Variants in KRT28 observed in about 807,000 individuals in gnomAD.
KRT28 encodes keratin 28, also known as keratin, type I cytoskeletal 28.
A neutral mutation model predicts 48.1 loss-of-function variants in KRT28; 45 were observed. The observed-to-expected ratio is 0.94, with a 90% confidence interval of 0.74 to 1.20. The LOEUF (loss-of-function observed/expected upper bound fraction) is 1.20. Among genes scored for constraint, KRT28 ranks in the 50% most tolerant of loss-of-function variants. The pLI is 0.00. For synonymous variants in KRT28, 228 were observed against 227.4 expected (o/e 1.00, Z -0.03); for missense variants, 571 against 574.1 (o/e 0.99, Z 0.06).
At position 40,793,806 on chromosome 17, in the gene KRT28, G is replaced by C. The variant is rs752229106; in HGVS notation, c.1196+23C>G. The stretch of plus-strand genomic sequence containing the variant: ...TGTAGCTTAAAAGAGGTAAAAACTG[G>C]ATTTTCAAATGGCTTTACTTACTTT... On this transcript the variant is annotated intron_variant, in intron 6 of 7. Coordinates refer to ENST00000306658, the MANE Select transcript of KRT28 (RefSeq NM_181535.3). 3 of 1,612,634 alleles carry C rather than the reference G, an allele frequency of 1.9e-6. No individual in the cohort carries two copies. The South Asian group carries it at 3.3e-5, about 18-fold the overall frequency.
Position 40,792,542 on chromosome 17 carries a change from G to A in KRT28, c.1280C>T (p.Thr427Ile). The change falls in exon 8 of 8, where the codon ACA becomes ATA. Residue 427 changes from threonine to isoleucine, a missense_variant. Thr to Ile is a moderately conservative substitution (Grantham distance 89). Transcript: ENST00000306658. ...KDLSKTTLVK[T>I]VVEELDQRGK... ...ACGTTGATCTAGCTCTTCAACCACTGTCTTTACCAGTGTGGTTTTGGATAA... is the reference window on the plus strand; with the variant it reads ...ACGTTGATCTAGCTCTTCAACCACTATCTTTACCAGTGTGGTTTTGGATAA... The A allele has an allele frequency of 1.2e-6, 2 of 1,611,314 alleles. No individual in the cohort carries two copies. Among genetic ancestry groups the A allele is most frequent in the East Asian group, 2.2e-5 (1 of 44,744 alleles).
intron 1 of KRT28, 109 bp downstream of exon 1, chr17:40,799,334 TA>T: frequency 1.1e-6 from 1 of 916,006 alleles, no homozygotes; most frequent in Non-Finnish European, 1.6e-6. Context: ...TTTATCTAAA[TA>T]AATAAATACA....
intron 5 of KRT28, among the ~76,000 whole-genome samples, chr17:40,794,312 T>C (rs1439798401): frequency 1.3e-5 from 2 of 152,356 alleles, no homozygotes; most frequent in East Asian, 3.8e-4. Context: ...ATAGGTCATA[T>C]TTCTATTAAA....
At position 40,792,203 on chromosome 17, in the gene KRT28, C is replaced by A; in HGVS notation, c.*224G>T. 3 of 372,848 alleles carry A rather than the reference C, an allele frequency of 8.0e-6. No homozygotes were observed. The highest frequency in any genetic ancestry group is 7.8e-5 in the South Asian group (1 of 12,884). 23.1% of individuals were successfully genotyped at this position (372,848 alleles called of 1,614,324 possible). A position where few individuals can be genotyped will look rare whatever the true frequency, so the allele number is the denominator to read the frequency against. On this transcript the variant is annotated 3_prime_UTR_variant, in exon 8 of 8. Coordinates refer to ENST00000306658, the MANE Select transcript of KRT28 (RefSeq NM_181535.3). ...CTATGAATGAGACATAGAAAAAAAT[C>A]ACAAATAGTTATTTATTAGTCATCA...
intron 6 of KRT28, among the ~76,000 whole-genome samples, 163 bp from the exon 7 acceptor site, chr17:40,793,373 G>A (rs1213803388): frequency 6.6e-6 from 1 of 151,784 alleles, no homozygotes; most frequent in Admixed American, 6.6e-5. Context: ...GTAATTAAAT[G>A]TTATCTAAAG....
In KRT28 at chr17:40,792,537, C is replaced by T. The variant is rs748828134; in HGVS notation, c.1285G>A (p.Val429Ile). Residue 429 changes from valine (V) to isoleucine (I), a missense_variant, in exon 8 of 8, where the codon GTT (valine) becomes ATT (isoleucine). Coordinates refer to ENST00000306658, the MANE Select transcript of KRT28 (RefSeq NM_181535.3). ...LSKTTLVKTV[V>I]EELDQRGKVL... ...TTACCACGTTGATCTAGCTCTTCAA[C>T]CACTGTCTTTACCAGTGTGGTTTTG... 5.0e-6 allele frequency: 8 copies of T among 1,612,856 alleles called. No homozygotes were observed. The South Asian group carries it at 5.5e-5, about 11-fold the overall frequency.
In KRT28 at chr17:40,793,819, C is replaced by T. The variant is rs1485914384; in HGVS notation, c.1196+10G>A. 6.2e-7 allele frequency: 1 copy of T among 1,613,754 alleles called. No individual in the cohort carries two copies. Among genetic ancestry groups the T allele is most frequent in the East Asian group, 2.2e-5 (1 of 44,880 alleles). ...AGGTAAAAACTGGATTTTCAAATGG[C>T]TTTACTTACTTTCCATCTCCATCTA... On this transcript the variant is annotated intron_variant, in intron 6 of 7. Coordinates refer to ENST00000306658, the MANE Select transcript of KRT28 (RefSeq NM_181535.3).
chr17:40,797,560 C>T (rs2143076297), intron 3 of KRT28, among the ~76,000 whole-genome samples: 1 of 152,228 alleles, frequency 6.6e-6, no homozygotes, highest in Non-Finnish European at 1.5e-5. Context: ...ACCAGCCTGG[C>T]CAACATGGCG....
rs371660115 is a variant in KRT28, at chr17:40,797,270, A to G, written c.702T>C (p.Ala234=). ...LKKNHEEEMK[A]LQCAAGGNVN... ...CGTTGCCCCCAGCCGCGCACTGCAG[A>G]GCCTTCATCTCCTGGAGAGAAGCAA... The change falls in exon 4 of 8, where the codon GCT becomes GCC. Residue 234 remains alanine (A), a synonymous_variant. Transcript: ENST00000306658. 4.3e-4 allele frequency: 694 copies of G among 1,613,434 alleles called. 1 individual carries two copies. Among genetic ancestry groups the G allele is most frequent in the Non-Finnish European group, 5.4e-4 (636 of 1,179,674 alleles).
Position 40,792,373 on chromosome 17 carries a change from T to C in KRT28, c.*54A>G. ...TGTATATTCTCTCTGATATTTAGAA[T>C]AATGCAATTGTACAGGATCCTTTCC... On this transcript the variant is annotated 3_prime_UTR_variant, in exon 8 of 8. Transcript: ENST00000306658. 7.0e-7 allele frequency: 1 copy of C among 1,432,138 alleles called. No individual in the cohort carries two copies. Among genetic ancestry groups the C allele is most frequent in the Non-Finnish European group, 9.5e-7 (1 of 1,048,810 alleles). The allele number at this position is 1,432,138 out of a possible 1,614,324, so 88.7% of individuals were successfully genotyped here.
chr17:40,798,778 A>G (rs1904680364), intron 2 of KRT28, 139 bp downstream of exon 2: 3 of 615,926 alleles, frequency 4.9e-6, no homozygotes, highest in Admixed American at 6.5e-5. Context: ...GTTGATTGTA[A>G]CATTATAATA....
chr17:40,798,261 T>A lies in KRT28; in HGVS notation c.664A>T (p.Thr222Ser). Reference sequence around the variant, plus strand: ...TCTTCGTGGTTCTTTTTGAGATATGTCATCTCCTCACTCAGAGACTCATAT... The same window carrying A: ...TCTTCGTGGTTCTTTTTGAGATATGACATCTCCTCACTCAGAGACTCATAT... ...LQYESLSEEMTYLKKNHEEEM... is the reference protein window; with the variant it reads ...LQYESLSEEMSYLKKNHEEEM... Residue 222 changes from threonine to serine, a missense_variant, in exon 3 of 8, where the codon ACA becomes TCA. By Grantham distance (58) the Thr-to-Ser change is moderately conservative. Transcript: ENST00000306658. 6.2e-7 allele frequency: 1 copy of A among 1,609,980 alleles called. No homozygotes were observed. Among genetic ancestry groups the A allele is most frequent in the Non-Finnish European group, 8.5e-7 (1 of 1,176,508 alleles).
intron 6 of KRT28, among the ~76,000 whole-genome samples, 190 bp from the exon 7 acceptor site, chr17:40,793,400 T>C (rs1426202954): frequency 6.6e-6 from 1 of 151,238 alleles, no homozygotes; most frequent in Non-Finnish European, 1.5e-5. Flanking sequence ...TATAAATAAA[T>C]CTTGTTTCCA....
At position 40,798,908 on chromosome 17, in the gene KRT28, G is replaced by C; in HGVS notation, c.533+9C>G. ...TTTTTCTAGAGCAGGATTTTCTTCT[G>C]TCACTTACTTTAGCCTGAAATCATC... On this transcript the variant is annotated intron_variant, in intron 2 of 7. Coordinates refer to ENST00000306658, the MANE Select transcript of KRT28 (RefSeq NM_181535.3). 2 of 1,571,536 alleles carry C rather than the reference G, an allele frequency of 1.3e-6. No individual in the cohort carries two copies. The highest frequency in any genetic ancestry group is 1.7e-6 in the Non-Finnish European group (2 of 1,150,626).
chr17:40,798,704 G>A (rs1369981410), intron 2 of KRT28, among the ~76,000 whole-genome samples: 2 of 152,148 alleles, frequency 1.3e-5, no homozygotes, highest in African/African-American at 4.8e-5. Context: ...GTGCTTGGCA[G>A]TATTCTAGGC....
At chr17:40,798,811 C>G in intron 2 of KRT28, 106 bp downstream of exon 2, 1 of 725,574 alleles carries the variant, frequency 1.4e-6, no homozygotes, top group South Asian at 1.8e-5. Flanking sequence ...TTCCTTTTAT[C>G]TTTTAGGTGA....
At chr17:40,795,508 A>T (rs16966300) in intron 5 of KRT28, among the ~76,000 whole-genome samples, 4,812 of 152,264 alleles carry the variant, frequency 0.032, 298 homozygotes, top group African/African-American at 0.11. Flanking sequence ...GTATTTAGAC[A>T]ACTCCCAACT....
intron 3 of KRT28, 133 bp downstream of exon 3, chr17:40,798,102 A>C: frequency 1.3e-6 from 1 of 768,312 alleles, no homozygotes; most frequent in Non-Finnish European, 2.1e-6. Flanking sequence ...GTATTATTAG[A>C]CTAATCTGTC....
At position 40,799,632 on chromosome 17, in the gene KRT28, C is replaced by T. The variant is rs1252628159; in HGVS notation, c.262G>A (p.Val88Met). ...CGGTCATTAAGATTTTGCATGGTCA[C>T]CTTCTCATTTCCAGAGAGGAGTCCC... ...EGGLLSGNEK[V>M]TMQNLNDRLA... The change falls in exon 1 of 8, where the codon GTG (valine) becomes ATG (methionine). Residue 88 changes from valine to methionine, a missense_variant. Coordinates refer to ENST00000306658, the MANE Select transcript of KRT28 (RefSeq NM_181535.3). 9 of 1,614,186 alleles carry T rather than the reference C, an allele frequency of 5.6e-6. No homozygotes were observed. The highest frequency in any genetic ancestry group is 1.7e-5 in the Admixed American group (1 of 60,014).
Sources: allele counts gnomAD v4.1 joint callset (sites outside exome capture counted in the v4.1 genomes callset), GRCh38; gene constraint gnomAD v4.1.1; transcripts MANE v1.5; gene names NCBI Gene and HGNC (gene_info 2026-07-23, HGNC 2026-07-21).